PALS2: variants seen among roughly 807,000 people sequenced by gnomAD.
The protein encoded by PALS2 is protein PALS2.
PALS2 carries 27 observed loss-of-function variants against 61.6 expected under a neutral mutation model. That is an observed-to-expected ratio of 0.44 (90% CI 0.32 to 0.60). PALS2 has a LOEUF of 0.60. Among genes scored for constraint, PALS2 ranks in the 20% least tolerant of loss-of-function variants. The pLI, the probability that PALS2 is intolerant of heterozygous loss-of-function variation, is 0.05. For missense variants in PALS2, 554 were observed against 639.4 expected (o/e 0.87, Z 1.44); for synonymous variants, 236 against 218.6 (o/e 1.08, Z -0.70).
At position 24,573,779 on chromosome 7, in the gene PALS2, G is replaced by A. The variant is rs1405602666; in HGVS notation, c.-3+186G>A. Among the ~76,000 whole-genome samples, 1 of 147,154 alleles carries A rather than the reference G, an allele frequency of 6.8e-6. No individual in the cohort carries two copies. The highest frequency in any genetic ancestry group is 1.5e-5 in the Non-Finnish European group (1 of 66,056). ...GGCAGGCGGCGGCGGCGGCGCCGCGGTCGGGGAGGCTGCTGGCCGCCCCCA... is the reference window on the plus strand; with the variant it reads ...GGCAGGCGGCGGCGGCGGCGCCGCGATCGGGGAGGCTGCTGGCCGCCCCCA... On this transcript the variant is annotated intron_variant, in intron 1 of 11. Transcript: ENST00000222644. This position sits in a 1 kb window ranked among gnomAD's most constrained non-coding sequence, Gnocchi z 5.3.
At chr7:24,604,804 A>G (rs756225907) in intron 1 of PALS2, among the ~76,000 whole-genome samples, 1 of 152,100 alleles carries the variant, frequency 6.6e-6, no homozygotes, top group Non-Finnish European at 1.5e-5. Context: ...TCCAAATACC[A>G]TCCCACTGGG....
chr7:24,647,379 C>T (rs1785894658), intron 3 of PALS2, among the ~76,000 whole-genome samples: 1 of 152,128 alleles, frequency 6.6e-6, no homozygotes, highest in African/African-American at 2.4e-5. Context: ...GAACTCCTGA[C>T]CTCAGGTGAT....
intron 1 of PALS2, among the ~76,000 whole-genome samples, chr7:24,586,590 AAG>A (rs1783072841): frequency 6.6e-6 from 1 of 152,236 alleles, no homozygotes; most frequent in South Asian, 2.1e-4. Flanking sequence ...ATTAAGGAAT[AAG>A]AGTGCATTAG....
At chr7:24,620,767 A>C (rs889556455) in intron 1 of PALS2, among the ~76,000 whole-genome samples, 1 of 152,176 alleles carries the variant, frequency 6.6e-6, no homozygotes, top group Admixed American at 6.5e-5. Context: ...GTTTAAAAGG[A>C]GTGCTGATCT....
chr7:24,577,876 A>G lies in PALS2; in HGVS notation c.-3+4283A>G, dbSNP rs186510082. On this transcript the variant is annotated intron_variant, in intron 1 of 11. Coordinates refer to ENST00000222644, the MANE Select transcript of PALS2 (RefSeq NM_001303037.2). Reference sequence around the variant, plus strand: ...TATCAGTATCTGAAATTATGTTTTTATATTATTTTATAATCTCCATACTCA... The same window carrying G: ...TATCAGTATCTGAAATTATGTTTTTGTATTATTTTATAATCTCCATACTCA... Among the ~76,000 whole-genome samples the G allele has an allele frequency of 3.9e-5, 6 of 152,306 alleles. 1 individual carries two copies. Among genetic ancestry groups the G allele is most frequent in the African/African-American group, 1.4e-4 (6 of 41,568 alleles).
intron 1 of PALS2, among the ~76,000 whole-genome samples, chr7:24,611,326 A>G (rs1216162314): frequency 1.3e-5 from 2 of 152,102 alleles, no homozygotes; most frequent in Admixed American, 6.6e-5. Flanking sequence ...TTGTTATGCA[A>G]TTCACGGGAA....
intron 2 of PALS2, among the ~76,000 whole-genome samples, chr7:24,631,009 C>T (rs534955720): frequency 6.6e-6 from 1 of 152,314 alleles, no homozygotes; most frequent in African/African-American, 2.4e-5. Context: ...CTCTTCTACT[C>T]ATGGATTAAG....
At chr7:24,677,945 A>G (rs188709217) in intron 9 of PALS2, among the ~76,000 whole-genome samples, 22 of 152,286 alleles carry the variant, frequency 1.4e-4, no homozygotes, top group East Asian at 3.9e-4. Context: ...AAAGTTTTCT[A>G]TGTCTTAGGC....
intron 1 of PALS2, among the ~76,000 whole-genome samples, chr7:24,584,436 G>A (rs1415874968): frequency 6.7e-6 from 1 of 149,178 alleles, no homozygotes; most frequent in Non-Finnish European, 1.5e-5. Context: ...TTTTTCATGT[G>A]TTTTTTGGCT....
chr7:24,619,984 A>G (rs1211981647), intron 1 of PALS2: 1 of 152,106 alleles, frequency 6.6e-6, no homozygotes, highest in Non-Finnish European at 1.5e-5. Flanking sequence ...TTTTACATAT[A>G]CTAGAGTTGT....
chr7:24,600,831 G>A (rs1247492779), intron 1 of PALS2, among the ~76,000 whole-genome samples: 7 of 151,986 alleles, frequency 4.6e-5, no homozygotes, highest in African/African-American at 1.4e-4. Context: ...GTCCTCAAGC[G>A]AAAAAATCTT....
intron 1 of PALS2, among the ~76,000 whole-genome samples, chr7:24,622,892 A>G (rs1784579908): frequency 6.6e-6 from 1 of 151,754 alleles, no homozygotes; most frequent in African/African-American, 2.4e-5. Flanking sequence ...TTTATTATGA[A>G]AGAGTTTTGG....
intron 2 of PALS2, chr7:24,624,241 T>C (rs1784641619): frequency 1.4e-6 from 1 of 719,562 alleles, no homozygotes; most frequent in Non-Finnish European, 2.0e-6. Flanking sequence ...TCTGTTTCCC[T>C]AGTCAACTCT....
chr7:24,647,853 G>T (rs147632379), intron 3 of PALS2, among the ~76,000 whole-genome samples: 1 of 152,000 alleles, frequency 6.6e-6, no homozygotes, highest in Non-Finnish European at 1.5e-5. Flanking sequence ...TCAAATTGCC[G>T]TGACTTTGAC....
chr7:24,587,241 G>A (rs62449806), intron 1 of PALS2, among the ~76,000 whole-genome samples: 14,889 of 152,082 alleles, frequency 0.098, 1,035 homozygotes, highest in Middle Eastern at 0.17. Context: ...ACGTTAACTG[G>A]AATGACGATG....
At chr7:24,659,744 T>C (rs896126637) in intron 5 of PALS2, among the ~76,000 whole-genome samples, 2 of 152,206 alleles carry the variant, frequency 1.3e-5, no homozygotes, top group Admixed American at 1.3e-4. Flanking sequence ...TGTAATGCTT[T>C]CAAATGATTC....
intron 1 of PALS2, among the ~76,000 whole-genome samples, chr7:24,592,180 T>C (rs1178378878): frequency 6.6e-6 from 1 of 152,110 alleles, no homozygotes; most frequent in East Asian, 1.9e-4. Context: ...GGATTAAAAG[T>C]AAATTTTAGC....
At chr7:24,611,471 A>G (rs1784109653) in intron 1 of PALS2, among the ~76,000 whole-genome samples, 1 of 152,016 alleles carries the variant, frequency 6.6e-6, no homozygotes, top group Admixed American at 6.6e-5. Flanking sequence ...AAAATGTAAC[A>G]TTTTTGTGAC....
chr7:24,646,472 T>C (rs1051564446), intron 3 of PALS2, among the ~76,000 whole-genome samples: 2 of 152,222 alleles, frequency 1.3e-5, no homozygotes, highest in African/African-American at 4.8e-5. Context: ...TTGCAAATGT[T>C]GAACAGACCT....
Sources: gnomAD v4.1 joint callset for allele counts (sites outside exome capture counted in the v4.1 genomes callset) on GRCh38, gnomAD v4.1.1 for gene constraint, Gnocchi (gnomAD v3.1) non-coding constraint, MANE v1.5 for transcripts, NCBI Gene and HGNC (gene_info 2026-07-23, HGNC 2026-07-21) for gene names.